The following NSMCE2 variants were observed in gnomAD, a reference collection of about 807,000 sequenced individuals.
The protein encoded by NSMCE2 is E3 SUMO-protein ligase NSE2.
NSMCE2 carries 24 observed loss-of-function variants against 23.8 expected under a neutral mutation model. The observed-to-expected ratio is 1.01, with a 90% CI of 0.73 to 1.42. The LOEUF is 1.42. Among genes scored for constraint, NSMCE2 ranks in the 40% most tolerant of loss-of-function variants. The probability of loss-of-function intolerance (pLI) is 0.00; values close to 1 mark genes in which losing one functional copy is unlikely to be tolerated. For missense variants in NSMCE2, 284 were observed against 296.5 expected (o/e 0.96, Z 0.31); for synonymous variants, 92 against 94.1 (o/e 0.98, Z 0.13).
intron 3 of NSMCE2, among the ~76,000 whole-genome samples, chr8:125,106,004 T>C (rs772176730): frequency 1.7e-4 from 26 of 151,744 alleles, no homozygotes; most frequent in Non-Finnish European, 3.2e-4. Flanking sequence ...CTGGACTTCT[T>C]ATGAACTCAA....
intron 5 of NSMCE2, among the ~76,000 whole-genome samples, chr8:125,205,998 C>T (rs942906919): frequency 1.3e-5 from 2 of 152,054 alleles, no homozygotes; most frequent in Non-Finnish European, 2.9e-5. Context: ...GTTTTATATA[C>T]AGAGATTTCT....
At chr8:125,316,596 CTTTCCTTCTTTCCTTTCTTTA>C (rs1344824566) in intron 5 of NSMCE2, among the ~76,000 whole-genome samples, 74 of 150,766 alleles carry the variant, frequency 4.9e-4, no homozygotes, top group Middle Eastern at 3.4e-3. Context: ...TCTTTTCTTT[CTTTCCTTCTTTCCTTTCTTTA>C]TTTCCTTCTT....
intron 5 of NSMCE2, among the ~76,000 whole-genome samples, chr8:125,251,431 A>C (rs533006774): frequency 2.6e-5 from 4 of 152,344 alleles, no homozygotes; most frequent in African/African-American, 9.6e-5. Context: ...TAAATGGGAG[A>C]GACTTGAATA....
intron 5 of NSMCE2, among the ~76,000 whole-genome samples, chr8:125,208,636 G>A (rs77906557): frequency 0.022 from 3,277 of 152,310 alleles, 126 homozygotes; most frequent in African/African-American, 0.075. Context: ...GGAGACAAAT[G>A]ATTGAGTGCC....
At chr8:125,330,264 T>G (rs1032770280) in intron 5 of NSMCE2, among the ~76,000 whole-genome samples, 9 of 146,458 alleles carry the variant, frequency 6.1e-5, no homozygotes, top group African/African-American at 2.0e-4. Context: ...GCAGCCTCCA[T>G]CTCCCGGTTC....
chr8:125,158,525 A>G (rs1193307529), intron 4 of NSMCE2, among the ~76,000 whole-genome samples: 3 of 152,188 alleles, frequency 2.0e-5, no homozygotes, highest in Non-Finnish European at 2.9e-5. Flanking sequence ...CCAGGTAGGT[A>G]CTGAGGCGCC....
In NSMCE2 at chr8:125,294,577, G is replaced by A. The variant is rs367685094; in HGVS notation, c.419-62642G>A. ...TTGTAATATTTATTTTACCAATCTA[G>A]GGCTAAACTTGCGATCGTATACTTT... On this transcript the variant is annotated intron_variant, in intron 5 of 7. Coordinates refer to ENST00000287437, the MANE Select transcript of NSMCE2 (RefSeq NM_173685.4). Among the ~76,000 whole-genome samples, 53 of 152,188 alleles carry A rather than the reference G, an allele frequency of 3.5e-4. 1 individual carries two copies. In the South Asian group the frequency reaches 0.01, roughly 29 times the overall value.
intron 3 of NSMCE2, among the ~76,000 whole-genome samples, chr8:125,125,806 A>T (rs1819490029): frequency 6.6e-6 from 1 of 152,218 alleles, no homozygotes; most frequent in South Asian, 2.1e-4. Context: ...TGCACATTGC[A>T]CATCAAACAG....
At chr8:125,153,357 A>G (rs1388055309) in intron 4 of NSMCE2, among the ~76,000 whole-genome samples, 2 of 152,156 alleles carry the variant, frequency 1.3e-5, no homozygotes, top group East Asian at 1.9e-4. Context: ...TTTTTCTTTT[A>G]TGATACAAAG....
intron 3 of NSMCE2, among the ~76,000 whole-genome samples, chr8:125,123,693 T>G (rs1819375073): frequency 6.6e-6 from 1 of 152,242 alleles, no homozygotes; most frequent in Non-Finnish European, 1.5e-5. Flanking sequence ...CTATTAAGTT[T>G]GGAACATTAA....
chr8:125,160,545 A>G (rs1821555932), intron 4 of NSMCE2, among the ~76,000 whole-genome samples: 1 of 152,324 alleles, frequency 6.6e-6, no homozygotes, highest in South Asian at 2.1e-4. Flanking sequence ...AACTGGGCCA[A>G]TGCAGAGGCC....
Position 125,223,806 on chromosome 8 carries a change from CTT to C in NSMCE2, c.418+41572_418+41573del, listed in dbSNP as rs777644019. ...AGAAATGTGTGTTCAGGTCCTTTGCCTTTTTTTTTTTTTTTTTTTTTTTGAGT... is the reference window on the plus strand; with the variant it reads ...AGAAATGTGTGTTCAGGTCCTTTGCCTTTTTTTTTTTTTTTTTTTTTGAGT... On this transcript the variant is annotated intron_variant, in intron 5 of 7. Coordinates refer to ENST00000287437, the MANE Select transcript of NSMCE2 (RefSeq NM_173685.4). 3.8e-3 allele frequency among the ~76,000 whole-genome samples: 411 copies of C among 107,916 alleles called. 2 individuals are homozygous for C. Among genetic ancestry groups the C allele is most frequent in the African/African-American group, 0.014 (379 of 27,254 alleles). 70.8% of individuals were successfully genotyped at this position (107,916 alleles called of 152,430 possible).
chr8:125,213,892 C>A (rs575128455), intron 5 of NSMCE2, among the ~76,000 whole-genome samples: 1 of 152,030 alleles, frequency 6.6e-6, no homozygotes, highest in Non-Finnish European at 1.5e-5. Flanking sequence ...TCTGACCATT[C>A]CCTTTTGTTT....
chr8:125,102,054 C>G lies in NSMCE2; in HGVS notation c.-107C>G, dbSNP rs975415571. 1 of 303,620 alleles carries G rather than the reference C, an allele frequency of 3.3e-6. No individual in the cohort carries two copies. Among genetic ancestry groups the G allele is most frequent in the South Asian group, 7.1e-5 (1 of 14,090 alleles). The allele number at this position is 303,620 out of a possible 1,614,324, so 18.8% of individuals were successfully genotyped here. A position where few individuals can be genotyped will look rare whatever the true frequency, so the allele number is the denominator to read the frequency against. ...GCTATTGTTGACTTCTTCACAGAATCAAGCACTCTTTTGGAAGAGGGTAAT... is the reference window on the plus strand; with the variant it reads ...GCTATTGTTGACTTCTTCACAGAATGAAGCACTCTTTTGGAAGAGGGTAAT... On this transcript the variant is annotated 5_prime_UTR_variant, in exon 2 of 8. It adds an upstream start codon to the 5' untranslated region. Coordinates refer to ENST00000287437, the MANE Select transcript of NSMCE2 (RefSeq NM_173685.4).
chr8:125,125,264 C>G (rs1430184087), intron 3 of NSMCE2, among the ~76,000 whole-genome samples: 1 of 152,172 alleles, frequency 6.6e-6, no homozygotes, highest in East Asian at 1.9e-4. Flanking sequence ...CTTAGGGCAA[C>G]AGCATCTTTC....
intron 5 of NSMCE2, among the ~76,000 whole-genome samples, chr8:125,219,655 T>C (rs1409333384): frequency 6.6e-6 from 1 of 152,232 alleles, no homozygotes; most frequent in East Asian, 1.9e-4. Context: ...ACTGAATTAT[T>C]TTTCTTGGGC....
intron 3 of NSMCE2, among the ~76,000 whole-genome samples, chr8:125,113,420 C>T (rs1039941844): frequency 1.3e-5 from 2 of 152,070 alleles, no homozygotes; most frequent in Non-Finnish European, 2.9e-5. Flanking sequence ...TTCAAGGCTA[C>T]AGCAAGATAT....
intron 5 of NSMCE2, among the ~76,000 whole-genome samples, chr8:125,331,491 GGGTAAT>G (rs1159930322): frequency 6.6e-6 from 1 of 152,122 alleles, no homozygotes; most frequent in Non-Finnish European, 1.5e-5. Flanking sequence ...GTCAAGTGCT[GGGTAAT>G]GGGGAAGAGT....
intron 1 of NSMCE2, among the ~76,000 whole-genome samples, chr8:125,098,104 G>C (rs566209034): frequency 5.3e-5 from 8 of 152,222 alleles, no homozygotes; most frequent in African/African-American, 1.9e-4. Flanking sequence ...ACATTACCTG[G>C]AAATTTGTTA....
Sources: gnomAD v4.1 joint callset for allele counts (sites outside exome capture counted in the v4.1 genomes callset) on GRCh38, gnomAD v4.1.1 for gene constraint, MANE v1.5 for transcripts, NCBI Gene and HGNC (gene_info 2026-07-23, HGNC 2026-07-21) for gene names.